The following TRAPPC9 variants were observed in gnomAD, a reference collection of about 807,000 sequenced individuals.
TRAPPC9 encodes IKK2 binding protein.
TRAPPC9 carries 83 observed loss-of-function variants against 124.0 expected under a neutral mutation model. That is an observed-to-expected ratio of 0.67 (90% confidence interval 0.56 to 0.80). The LOEUF (loss-of-function observed/expected upper bound fraction) is 0.80, where lower values mean the gene tolerates loss of function less well. Ranked by LOEUF, TRAPPC9 falls within the 30% of genes least tolerant of loss-of-function variation. The pLI, the probability that TRAPPC9 is intolerant of heterozygous loss-of-function variation, is 0.00. For missense variants in TRAPPC9, 1,302 were observed against 1,508.3 expected (o/e 0.86, Z 2.27); for synonymous variants, 638 against 617.5 (o/e 1.03, Z -0.49).
chr8:140,139,096 A>G (rs2061345532), intron 17 of TRAPPC9, among the ~76,000 whole-genome samples: 1 of 152,150 alleles, frequency 6.6e-6, no homozygotes, highest in Non-Finnish European at 1.5e-5. Flanking sequence ...ACAGCCAACT[A>G]AGGATTTAGA....
intron 17 of TRAPPC9, among the ~76,000 whole-genome samples, chr8:140,120,621 C>T (rs368457486): frequency 3.3e-5 from 5 of 151,500 alleles, no homozygotes; most frequent in African/African-American, 9.7e-5. Flanking sequence ...TCCATCCATC[C>T]GTCCAACATC....
chr8:140,018,331 T>C (rs111297907), intron 18 of TRAPPC9, among the ~76,000 whole-genome samples: 27 of 39,790 alleles, frequency 6.8e-4, no homozygotes, highest in South Asian at 1.5e-3. Flanking sequence ...GTGATTTTTT[T>C]TTTTTTTTTT....
At chr8:140,411,290 A>G (rs992935064) in intron 5 of TRAPPC9, among the ~76,000 whole-genome samples, 4 of 152,228 alleles carry the variant, frequency 2.6e-5, no homozygotes, top group Non-Finnish European at 5.9e-5. Flanking sequence ...ACTCCTTAGA[A>G]AAACGTCCGA....
chr8:140,205,262 C>G (rs1281353111), intron 17 of TRAPPC9, among the ~76,000 whole-genome samples: 1 of 152,138 alleles, frequency 6.6e-6, no homozygotes, highest in Non-Finnish European at 1.5e-5. Context: ...AGTCATTTGA[C>G]AAAGCAAAAG....
chr8:139,777,930 G>T (rs1821505530), intron 21 of TRAPPC9, among the ~76,000 whole-genome samples: 3 of 152,122 alleles, frequency 2.0e-5, no homozygotes, highest in Admixed American at 2.0e-4. Flanking sequence ...GGTGAATGCA[G>T]CTAGAGTTTA....
intron 21 of TRAPPC9, among the ~76,000 whole-genome samples, chr8:139,753,827 C>T (rs1819521827): frequency 6.6e-6 from 1 of 152,230 alleles, no homozygotes; most frequent in South Asian, 2.1e-4. Flanking sequence ...CACCTCAACA[C>T]ATGATGCTGC....
In TRAPPC9 at chr8:140,252,998, A is replaced by G; in HGVS notation, c.2279-69T>C. 1.3e-6 allele frequency: 2 copies of G among 1,513,672 alleles called. No homozygotes were observed. The highest frequency in any genetic ancestry group is 1.8e-6 in the Non-Finnish European group (2 of 1,097,252). The allele number at this position is 1,513,672 out of a possible 1,614,324, so 93.8% of individuals were successfully genotyped here. The stretch of plus-strand genomic sequence containing the variant: ...GCAGTATGGGACTTACCAATCCCCT[A>G]GAAAATTCTGATGCATTCTCAAAAG... On this transcript the variant is annotated intron_variant, in intron 15 of 22. Transcript: ENST00000438773. This position sits in a 1 kb window ranked among gnomAD's most constrained non-coding sequence, Gnocchi z 4.2.
chr8:139,926,107 T>C (rs1832802802), intron 19 of TRAPPC9, among the ~76,000 whole-genome samples: 1 of 152,204 alleles, frequency 6.6e-6, no homozygotes, highest in African/African-American at 2.4e-5. Flanking sequence ...ACTACAAAAA[T>C]CAGCAAATGC....
intron 17 of TRAPPC9, among the ~76,000 whole-genome samples, chr8:140,071,018 T>G (rs1843134205): frequency 6.6e-6 from 1 of 152,252 alleles, no homozygotes. Context: ...CGTTAGTGCG[T>G]GCGATCGTTC....
In TRAPPC9 at chr8:140,155,087, C is replaced by T. The variant is rs111635979; in HGVS notation, c.2556+66372G>A. Among the ~76,000 whole-genome samples, 11 of 152,278 alleles carry T rather than the reference C, an allele frequency of 7.2e-5. 1 individual carries two copies. The highest frequency in any genetic ancestry group is 2.6e-4 in the Admixed American group (4 of 15,292). ...CAGCCGAGGCTCAATAAATATCTCA[C>T]GACTGGAAGGCGTATTCAAGGGATG... is the stretch of plus-strand genomic sequence containing the variant. On this transcript the variant is annotated intron_variant, in intron 17 of 22. Coordinates refer to ENST00000438773, the MANE Select transcript of TRAPPC9 (RefSeq NM_001160372.4).
chr8:140,337,091 C>A (rs940568703), intron 9 of TRAPPC9, among the ~76,000 whole-genome samples: 1 of 152,144 alleles, frequency 6.6e-6, no homozygotes, highest in Non-Finnish European at 1.5e-5. Flanking sequence ...CTGCAGGTGA[C>A]CCAGGATGTG....
intron 21 of TRAPPC9, among the ~76,000 whole-genome samples, chr8:139,831,681 C>T (rs76466584): frequency 0.023 from 3,509 of 152,328 alleles, 70 homozygotes; most frequent in Non-Finnish European, 0.029. Flanking sequence ...CCACCCCTCA[C>T]TGAGCCCCAC....
rs559557038 is a variant in TRAPPC9 at position 140,442,245 on chromosome 8, T to C, written c.585-3048A>G. ...TTACAAAAAGTCATATAAATACTCT[T>C]ATAGTTTTTCATATGAAAGTCATAA... On this transcript the variant is annotated intron_variant, in intron 2 of 22. Coordinates refer to ENST00000438773, the MANE Select transcript of TRAPPC9 (RefSeq NM_001160372.4). Among the ~76,000 whole-genome samples, 5 of 152,318 alleles carry C rather than the reference T, an allele frequency of 3.3e-5. No individual in the cohort carries two copies. In the South Asian group the frequency reaches 8.3e-4, roughly 25 times the overall value.
At chr8:140,065,960 T>C (rs1481042458) in intron 17 of TRAPPC9, among the ~76,000 whole-genome samples, 1 of 152,202 alleles carries the variant, frequency 6.6e-6, no homozygotes, top group African/African-American at 2.4e-5. Context: ...ACAGCTGCCA[T>C]AGATAGTGAT....
intron 21 of TRAPPC9, among the ~76,000 whole-genome samples, chr8:139,740,322 C>G (rs16911373): frequency 0.032 from 4,849 of 152,302 alleles, 270 homozygotes; most frequent in African/African-American, 0.11. Context: ...CGTCCAGGCT[C>G]TGGTAGAAAC....
intron 9 of TRAPPC9, among the ~76,000 whole-genome samples, chr8:140,316,217 C>T (rs1383030910): frequency 6.6e-6 from 1 of 152,118 alleles, no homozygotes; most frequent in East Asian, 1.9e-4. Flanking sequence ...TGGGAATTAA[C>T]TACAGACTGA....
At chr8:139,849,550 TATTAC>T (rs1827314759) in intron 21 of TRAPPC9, among the ~76,000 whole-genome samples, 1 of 152,276 alleles carries the variant, frequency 6.6e-6, no homozygotes, top group Admixed American at 6.5e-5. Context: ...AATGTAAATG[TATTAC>T]ATTACAATAT....
chr8:139,757,982 T>C (rs546910592), intron 21 of TRAPPC9, among the ~76,000 whole-genome samples: 1 of 152,308 alleles, frequency 6.6e-6, no homozygotes, highest in South Asian at 2.1e-4. Flanking sequence ...CCCTGCCGAG[T>C]GGCCTCATTT....
At chr8:139,749,247 C>T (rs895726379) in intron 21 of TRAPPC9, among the ~76,000 whole-genome samples, 2 of 152,134 alleles carry the variant, frequency 1.3e-5, no homozygotes, top group Non-Finnish European at 2.9e-5. Context: ...CCCAGCAACC[C>T]GCCATGGCCT....
Sources: gnomAD v4.1 joint callset for allele counts (sites outside exome capture counted in the v4.1 genomes callset) on GRCh38, gnomAD v4.1.1 for gene constraint, Gnocchi (gnomAD v3.1) non-coding constraint, MANE v1.5 for transcripts, NCBI Gene and HGNC (gene_info 2026-07-23, HGNC 2026-07-21) for gene names.